The following CAPSL variants were observed in gnomAD, a reference collection of about 807,000 sequenced individuals.
The protein encoded by CAPSL is calcyphosine like, also known as calcyphosin-like protein.
CAPSL carries 17 observed loss-of-function variants against 21.3 expected under a neutral mutation model. The ratio of observed to expected loss-of-function variants is 0.80; its 90% confidence interval spans 0.55 to 1.20. The LOEUF (loss-of-function observed/expected upper bound fraction) is 1.20. CAPSL is among the 50% of genes most tolerant of loss of function. CAPSL has a pLI of 0.00. For synonymous variants in CAPSL, 102 were observed against 89.3 expected (o/e 1.14, Z -0.80); for missense variants, 289 against 259.3 (o/e 1.11, Z -0.79).
chr5:35,920,656 T>A (rs1164065363), intron 2 of CAPSL, among the ~76,000 whole-genome samples: 1 of 152,160 alleles, frequency 6.6e-6, no homozygotes, highest in Non-Finnish European at 1.5e-5. Context: ...CCCTGGCCTT[T>A]ATTATCACAG....
chr5:35,907,772 T>C (rs1580877990), intron 4 of CAPSL, among the ~76,000 whole-genome samples: 1 of 152,348 alleles, frequency 6.6e-6, no homozygotes, highest in South Asian at 2.1e-4. Flanking sequence ...TTTTTAACCA[T>C]AAATGAGCAC....
At chr5:35,938,044 T>G (rs1030443841) in intron 1 of CAPSL, among the ~76,000 whole-genome samples, 2 of 152,204 alleles carry the variant, frequency 1.3e-5, no homozygotes, top group South Asian at 2.1e-4. Flanking sequence ...AGCATCCTGA[T>G]TTTTATTCTG....
At chr5:35,937,554 A>C (rs1414071324) in intron 1 of CAPSL, among the ~76,000 whole-genome samples, 1 of 152,204 alleles carries the variant, frequency 6.6e-6, no homozygotes, top group African/African-American at 2.4e-5. Context: ...TAGCATTCAC[A>C]TTGCAAGACA....
intron 4 of CAPSL, 173 bp downstream of exon 4, chr5:35,909,693 G>T: frequency 1.6e-6 from 1 of 614,702 alleles, no homozygotes; most frequent in Non-Finnish European, 2.8e-6. Flanking sequence ...AAAGTAACAT[G>T]AAGGTTTCCC....
At chr5:35,929,692 T>C (rs1420628543) in intron 1 of CAPSL, among the ~76,000 whole-genome samples, 1 of 152,190 alleles carries the variant, frequency 6.6e-6, no homozygotes, top group Non-Finnish European at 1.5e-5. Context: ...AAGTAAGAGA[T>C]GCAGGAAGGG....
chr5:35,922,981 A>G (rs940471665), intron 1 of CAPSL, among the ~76,000 whole-genome samples: 1 of 151,506 alleles, frequency 6.6e-6, no homozygotes, highest in African/African-American at 2.4e-5. Context: ...TCCCCACCCC[A>G]ACCCCTATGG....
chr5:35,915,313 C>T (rs1738348170), intron 2 of CAPSL, among the ~76,000 whole-genome samples: 1 of 152,200 alleles, frequency 6.6e-6, no homozygotes, highest in Admixed American at 6.5e-5. Context: ...CCTTCTGAAA[C>T]TATTCCAGTC....
chr5:35,925,324 G>T (rs1042271584), intron 1 of CAPSL, among the ~76,000 whole-genome samples: 10 of 152,238 alleles, frequency 6.6e-5, no homozygotes, highest in African/African-American at 2.4e-4. Flanking sequence ...AGGAGGTGAT[G>T]TCTAAACTTT....
At chr5:35,904,875 T>A (rs1248799423) in intron 4 of CAPSL, among the ~76,000 whole-genome samples, 2 of 152,020 alleles carry the variant, frequency 1.3e-5, no homozygotes, top group Non-Finnish European at 2.9e-5. Flanking sequence ...CCAACCTAAA[T>A]GGAAAGTGAC....
At chr5:35,932,545 G>A (rs1261241826) in intron 1 of CAPSL, among the ~76,000 whole-genome samples, 1 of 152,124 alleles carries the variant, frequency 6.6e-6, no homozygotes, top group Non-Finnish European at 1.5e-5. Context: ...AAAGGAGTCT[G>A]GGAAACCTGA....
intron 4 of CAPSL, 197 bp from the exon 5 acceptor site, chr5:35,904,843 GA>G (rs932473487): frequency 2.5e-6 from 1 of 395,108 alleles, no homozygotes; most frequent in African/African-American, 2.2e-5. Context: ...AAGAGAGAAA[GA>G]AAGTCTTGAA....
chr5:35,915,939 G>T lies in CAPSL; in HGVS notation c.137+5045C>A, dbSNP rs1738373811. 2.0e-5 allele frequency among the ~76,000 whole-genome samples: 3 copies of T among 152,154 alleles called. No individual in the cohort carries two copies. In the South Asian group the frequency reaches 6.2e-4, roughly 32 times the overall value. On this transcript the variant is annotated intron_variant, in intron 2 of 4. Transcript: ENST00000651391. ...AGTCAAATTGTCCCTGTTTGCAGAT[G>T]ACATGATTGTATATCTAGAAAACCC...
At chr5:35,925,890 A>C (rs1738662134) in intron 1 of CAPSL, among the ~76,000 whole-genome samples, 2 of 152,134 alleles carry the variant, frequency 1.3e-5, no homozygotes. Context: ...CAGCCTGGCC[A>C]ACATGGTGAA....
chr5:35,935,403 G>C (rs1738919460), intron 1 of CAPSL, among the ~76,000 whole-genome samples: 1 of 151,128 alleles, frequency 6.6e-6, no homozygotes, highest in African/African-American at 2.4e-5. Context: ...TGTCATCATA[G>C]CTCACTGCAG....
intron 1 of CAPSL, among the ~76,000 whole-genome samples, chr5:35,937,716 A>G (rs1377630755): frequency 1.3e-5 from 2 of 152,110 alleles, no homozygotes; most frequent in African/African-American, 4.8e-5. Context: ...TGTCATTGCT[A>G]TTGGGTAATT....
chr5:35,917,228 G>C (rs566697282), intron 2 of CAPSL, among the ~76,000 whole-genome samples: 1 of 150,304 alleles, frequency 6.7e-6, no homozygotes, highest in Non-Finnish European at 1.5e-5. Context: ...AGGTGCTGGA[G>C]AGAATGTGGA....
At chr5:35,922,903 T>C (rs1396442246) in intron 1 of CAPSL, among the ~76,000 whole-genome samples, 1 of 152,208 alleles carries the variant, frequency 6.6e-6, no homozygotes, top group African/African-American at 2.4e-5. Context: ...CATGTCCTGC[T>C]GTCTTACTCA....
chr5:35,910,587 A>G (rs761029049), intron 2 of CAPSL, 44 bp from the exon 3 acceptor site: 5 of 1,410,554 alleles, frequency 3.5e-6, no homozygotes, highest in Admixed American at 3.8e-5. Context: ...TGTACAAATA[A>G]CAGGTGTAAG....
chr5:35,916,126 G>C (rs1161635469), intron 2 of CAPSL, among the ~76,000 whole-genome samples: 21 of 151,870 alleles, frequency 1.4e-4, no homozygotes, highest in Non-Finnish European at 5.9e-5. Flanking sequence ...GCTTCAAAGA[G>C]AATAAAATAC....
Sources: gnomAD v4.1 joint callset for allele counts (sites outside exome capture counted in the v4.1 genomes callset) on GRCh38, gnomAD v4.1.1 for gene constraint, MANE v1.5 for transcripts, NCBI Gene and HGNC (gene_info 2026-07-23, HGNC 2026-07-21) for gene names.